The following NRXN1 variants were observed in gnomAD, a reference collection of about 807,000 sequenced individuals.
NRXN1 encodes the protein neurexin 1.
Under a neutral mutation model 150.9 loss-of-function variants are expected in NRXN1, and 39 were observed. That is an observed-to-expected ratio of 0.26 (90% CI 0.20 to 0.34). The LOEUF (loss-of-function observed/expected upper bound fraction) is 0.34. Ranked by LOEUF, NRXN1 falls within the 10% of genes least tolerant of loss-of-function variation. NRXN1 has a pLI of 1.00. For synonymous variants in NRXN1, 924 were observed against 757.0 expected, an observed-to-expected ratio of 1.22 and a Z score of -3.62; for missense variants, 1,815 against 1,949.9, an observed-to-expected ratio of 0.93 and a Z score of 1.30.
intron 17 of NRXN1, among the ~76,000 whole-genome samples, chr2:50,382,784 C>T (rs897608433): frequency 2.6e-5 from 4 of 152,082 alleles, no homozygotes; most frequent in African/African-American, 9.7e-5. Context: ...GACAGACATA[C>T]GGTGAATGTC....
intron 5 of NRXN1, among the ~76,000 whole-genome samples, chr2:50,727,130 G>A (rs911685442): frequency 6.6e-6 from 1 of 151,988 alleles, no homozygotes; most frequent in Non-Finnish European, 1.5e-5. Flanking sequence ...TATGAAGCAA[G>A]AATTATCAAG....
At chr2:50,043,424 G>C (rs568666848) in intron 21 of NRXN1, among the ~76,000 whole-genome samples, 2 of 152,126 alleles carry the variant, frequency 1.3e-5, no homozygotes, top group Non-Finnish European at 2.9e-5. Flanking sequence ...GCTGTGCACG[G>C]AAAAGTCAGA....
At chr2:49,945,084 T>G (rs1672657058) in intron 21 of NRXN1, 1 of 152,158 alleles carries the variant, frequency 6.6e-6, no homozygotes, top group South Asian at 2.1e-4. Flanking sequence ...TGCGAATGCT[T>G]TACAATATAA....
intron 5 of NRXN1, among the ~76,000 whole-genome samples, chr2:50,669,920 T>G (rs1193598673): frequency 6.6e-6 from 1 of 151,350 alleles, no homozygotes; most frequent in African/African-American, 2.4e-5. Flanking sequence ...AATAGTAATC[T>G]CCAAAAAGGC....
At chr2:50,538,717 G>C (rs1238562182) in intron 9 of NRXN1, 81 bp from the exon 10 acceptor site, 46 of 1,166,894 alleles carry the variant, frequency 3.9e-5, no homozygotes, top group Non-Finnish European at 4.8e-5. Context: ...TCGTCTGCTT[G>C]ATGGTTAACT....
At chr2:50,719,567 T>C (rs1006501448) in intron 5 of NRXN1, among the ~76,000 whole-genome samples, 1 of 151,826 alleles carries the variant, frequency 6.6e-6, no homozygotes. Flanking sequence ...TCCCAGCTAC[T>C]TGGGAGGCTG....
intron 15 of NRXN1, 73 bp downstream of exon 15, chr2:50,495,832 A>T (rs1422088463): frequency 7.3e-7 from 1 of 1,365,662 alleles, no homozygotes; most frequent in East Asian, 2.3e-5. Context: ...ACACACCCCT[A>T]AGCAAAGGAT....
intron 2 of NRXN1, chr2:51,026,497 A>G: frequency 6.7e-7 from 1 of 1,493,950 alleles, no homozygotes; most frequent in East Asian, 2.3e-5. Flanking sequence ...GAACTTAGGT[A>G]TGACTTTTGT....
chr2:50,158,460 G>A (rs1353068172), intron 18 of NRXN1, among the ~76,000 whole-genome samples: 1 of 151,862 alleles, frequency 6.6e-6, no homozygotes, highest in Non-Finnish European at 1.5e-5. Flanking sequence ...ACAGAGTGAT[G>A]TCTAACACAA....
intron 22 of NRXN1, among the ~76,000 whole-genome samples, chr2:49,940,190 A>T (rs1308631287): frequency 1.3e-5 from 2 of 152,182 alleles, no homozygotes; most frequent in Admixed American, 1.3e-4. Context: ...CAACGCATCT[A>T]TAAAGGTAAT....
chr2:50,627,988 T>C (rs1028646277), intron 5 of NRXN1, among the ~76,000 whole-genome samples: 7 of 151,870 alleles, frequency 4.6e-5, no homozygotes, highest in Non-Finnish European at 1.0e-4. Flanking sequence ...TGTGTTTTAG[T>C]CTACTTAGTT....
chr2:50,936,114 G>A (rs751494582), intron 2 of NRXN1, among the ~76,000 whole-genome samples: 3 of 152,208 alleles, frequency 2.0e-5, no homozygotes, highest in Non-Finnish European at 2.9e-5. Flanking sequence ...CCAAGCATAT[G>A]AGCTGTTGTT....
Position 50,538,255 on chromosome 2 carries a change from C to G in NRXN1, c.2141G>C (p.Arg714Thr). The G allele has an allele frequency of 1.2e-6, 2 of 1,607,668 alleles. No homozygotes were observed. The highest frequency in any genetic ancestry group is 1.7e-6 in the Non-Finnish European group (2 of 1,175,236). Residue 714 changes from arginine to threonine, a missense_variant and splice_region_variant, in exon 10 of 23, where the codon AGA becomes ACA. Arg to Thr is a moderately conservative substitution (Grantham distance 71). Transcript: ENST00000401669. Reference protein sequence around the residue: ...GTGYLGRSCEREATVLSYDGS... With the variant: ...GTGYLGRSCETEATVLSYDGS... The stretch of plus-strand genomic sequence containing the variant: ...CTGCTGGGGTTTTAGAATCCTACCT[C>G]TCTCACAGGACCTGCCAAGATAGCC...
intron 5 of NRXN1, among the ~76,000 whole-genome samples, chr2:50,733,130 T>A (rs1698298400): frequency 6.6e-6 from 1 of 152,176 alleles, no homozygotes; most frequent in Non-Finnish European, 1.5e-5. Context: ...AATAAGCATT[T>A]AACATTTGGA....
chr2:50,075,398 T>C (rs1456264858), intron 19 of NRXN1, among the ~76,000 whole-genome samples: 1 of 152,104 alleles, frequency 6.6e-6, no homozygotes, highest in African/African-American at 2.4e-5. Context: ...AGAGGCCCAA[T>C]TGTGTAAAAA....
chr2:50,824,011 A>G (rs1230259649), intron 5 of NRXN1, among the ~76,000 whole-genome samples: 3 of 152,228 alleles, frequency 2.0e-5, no homozygotes, highest in Non-Finnish European at 4.4e-5. Flanking sequence ...AATGAACAAG[A>G]AATGAGAAAC....
chr2:50,390,630 G>C (rs1234991676), intron 17 of NRXN1, among the ~76,000 whole-genome samples: 1 of 152,074 alleles, frequency 6.6e-6, no homozygotes, highest in Non-Finnish European at 1.5e-5. Flanking sequence ...AACTCTAAGA[G>C]GTGATTAGGC....
chr2:49,962,503 T>C (rs980461510), intron 21 of NRXN1, among the ~76,000 whole-genome samples: 3 of 152,326 alleles, frequency 2.0e-5, no homozygotes, highest in African/African-American at 7.2e-5. Flanking sequence ...CAAGAAATAG[T>C]AATCTAAGTT....
chr2:50,684,460 T>C (rs551126963), intron 5 of NRXN1, among the ~76,000 whole-genome samples: 2 of 152,002 alleles, frequency 1.3e-5, no homozygotes, highest in Non-Finnish European at 2.9e-5. Context: ...TGTGATGGTG[T>C]CACTACACTG....
Sources: allele counts gnomAD v4.1 joint callset (sites outside exome capture counted in the v4.1 genomes callset), GRCh38; gene constraint gnomAD v4.1.1; transcripts MANE v1.5; gene names NCBI Gene and HGNC (gene_info 2026-07-23, HGNC 2026-07-21).